The following FGFRL1 variants were observed in gnomAD, a reference collection of about 807,000 sequenced individuals.
FGFRL1 encodes the protein fibroblast growth factor receptor like 1, also known as fibroblast growth factor receptor-like 1.
FGFRL1 carries 24 observed loss-of-function variants against 36.8 expected under a neutral mutation model. That is an observed-to-expected ratio of 0.65 (90% CI 0.47 to 0.92). The LOEUF is 0.92. Ranked by LOEUF, FGFRL1 falls within the 40% of genes least tolerant of loss-of-function variation. The probability of loss-of-function intolerance (pLI) is 0.00; values close to 1 mark genes in which losing one functional copy is unlikely to be tolerated. For synonymous variants in FGFRL1, 422 were observed against 344.1 expected, an observed-to-expected ratio of 1.23 and a Z score of -2.50; for missense variants, 785 against 753.4, an observed-to-expected ratio of 1.04 and a Z score of -0.49.
At chr4:1,013,632 G>A (rs890248800) in intron 2 of FGFRL1, among the ~76,000 whole-genome samples, 1 of 152,270 alleles carries the variant, frequency 6.6e-6, no homozygotes, top group Non-Finnish European at 1.5e-5. Flanking sequence ...TACTGGGCGA[G>A]CCCCTACCAT....
chr4:1,023,680 G>C lies in FGFRL1; in HGVS notation c.392G>C (p.Ser131Thr), dbSNP rs1201333816. The stretch of plus-strand genomic sequence containing the variant: ...GGGAAGGAGAGCCTGGGGCCCGACA[G>C]CTCCTCTGGGGGTCAAGAGGACCCC... Reference protein sequence around the residue: ...SPGKESLGPDSSSGGQEDPAS... With the variant: ...SPGKESLGPDTSSGGQEDPAS... Residue 131 changes from serine (S) to threonine (T), a missense_variant, in exon 4 of 7, where the codon AGC (serine) becomes ACC (threonine). By Grantham distance (58) the Ser-to-Thr change is moderately conservative. Transcript: ENST00000510644. The surrounding 1 kb of genome is among the most constrained non-coding windows in gnomAD (Gnocchi z 6.0). The C allele has an allele frequency of 1.9e-6, 3 of 1,602,992 alleles. No homozygotes were observed. In the East Asian group the frequency reaches 6.7e-5, roughly 36 times the overall value.
chr4:1,011,882 G>A lies in FGFRL1; in HGVS notation c.-89G>A, dbSNP rs1228522870. 4.1e-5 allele frequency: 6 copies of A among 145,212 alleles called. No individual in the cohort carries two copies. Among genetic ancestry groups the A allele is most frequent in the Admixed American group, 1.4e-4 (2 of 14,698 alleles). 9.0% of individuals were successfully genotyped at this position (145,212 alleles called of 1,614,324 possible). On this transcript the variant is annotated 5_prime_UTR_variant, in exon 1 of 7. Coordinates refer to ENST00000510644, the MANE Select transcript of FGFRL1 (RefSeq NM_001004356.3). ...GGCGGCGGGATGCGGCGCCCGGGGC[G>A]GCGATGACCGCGGAGCGCACGCCGC...
Position 1,025,455 on chromosome 4 carries a change from T to A in FGFRL1, c.*108T>A, listed in dbSNP as rs552234059. 3 of 1,348,090 alleles carry A rather than the reference T, an allele frequency of 2.2e-6. No homozygotes were observed. The highest frequency in any genetic ancestry group is 3.0e-6 in the Non-Finnish European group (3 of 991,668). The allele number at this position is 1,348,090 out of a possible 1,614,324, so 83.5% of individuals were successfully genotyped here. ...GCAGGGGACCCATGGCGAGGAGGAA[T>A]GGCCAGCACCCCAGGCAGTCTGTGT... On this transcript the variant is annotated 3_prime_UTR_variant, in exon 7 of 7. Coordinates refer to ENST00000510644, the MANE Select transcript of FGFRL1 (RefSeq NM_001004356.3).
chr4:1,024,409 G>T lies in FGFRL1; in HGVS notation c.817G>T (p.Asp273Tyr). 1 of 1,612,640 alleles carries T rather than the reference G, an allele frequency of 6.2e-7. No individual in the cohort carries two copies. The highest frequency in any genetic ancestry group is 8.5e-7 in the Non-Finnish European group (1 of 1,179,874). ...TTSFQCKVRS[D>Y]VKPVIQWLKR... ...GTCCTTCCAGTGCAAGGTGCGCAGC[G>T]ACGTGAAGCCGGTGATCCAGTGGCT... Residue 273 changes from aspartate to tyrosine, a missense_variant, in exon 6 of 7, where the codon GAC becomes TAC. Transcript: ENST00000510644.
chr4:1,012,457 C>A lies in FGFRL1; in HGVS notation c.-16-13C>A. 1.3e-6 allele frequency: 2 copies of A among 1,575,798 alleles called. No homozygotes were observed. The highest frequency in any genetic ancestry group is 1.1e-5 in the South Asian group (1 of 88,152). Reference sequence around the variant, plus strand: ...GTTCCACGTGTTAGTGACGGCGCCCCCAATGTCCCCAGGTCCGGACAGGCC... The same window carrying A: ...GTTCCACGTGTTAGTGACGGCGCCCACAATGTCCCCAGGTCCGGACAGGCC... On this transcript the variant is annotated splice_polypyrimidine_tract_variant and intron_variant, in intron 1 of 6. Coordinates refer to ENST00000510644, the MANE Select transcript of FGFRL1 (RefSeq NM_001004356.3).
rs1403565291 is a variant in FGFRL1 at position 1,024,097 on chromosome 4, G to T, written c.714G>T (p.Val238=). Residue 238 remains valine (V), a synonymous_variant, in exon 5 of 7, where the codon GTG becomes GTT. Coordinates refer to ENST00000510644, the MANE Select transcript of FGFRL1 (RefSeq NM_001004356.3). ...GAINATYKVD[V]IQRTRSKPVL... ...TCAACGCCACCTACAAGGTGGATGT[G>T]ATCCGTGAGTGTGGCCCCGGGCGCT... The T allele has an allele frequency of 1.9e-6, 3 of 1,574,512 alleles. No individual in the cohort carries two copies. In the African/African-American group the frequency reaches 4.1e-5, roughly 21 times the overall value.
chr4:1,025,114 G>C lies in FGFRL1; in HGVS notation c.1282G>C (p.Gly428Arg), dbSNP rs200822222. 12 of 1,611,324 alleles carry C rather than the reference G, an allele frequency of 7.4e-6. No homozygotes were observed. Among genetic ancestry groups the C allele is most frequent in the Non-Finnish European group, 1.0e-5 (12 of 1,179,346 alleles). Residue 428 changes from glycine to arginine, a missense_variant, in exon 7 of 7, where the codon GGA becomes CGA. Coordinates refer to ENST00000510644, the MANE Select transcript of FGFRL1 (RefSeq NM_001004356.3). ...RPPGTARDRS[G>R]DKDLPSLAAL... ...GCCGGGGACGGCCCGCGACCGCAGC[G>C]GAGACAAGGACCTTCCCTCGTTGGC...
chr4:1,012,258 G>A (rs919633569), intron 1 of FGFRL1: 2 of 505,828 alleles, frequency 4.0e-6, no homozygotes, highest in Non-Finnish European at 6.9e-6. Flanking sequence ...TTTGGAGAGG[G>A]GGGGCGGCGG....
intron 2 of FGFRL1, among the ~76,000 whole-genome samples, chr4:1,018,593 G>A (rs957640418): frequency 6.6e-6 from 1 of 152,188 alleles, no homozygotes; most frequent in Non-Finnish European, 1.5e-5. Flanking sequence ...GTCTTGGCAG[G>A]GTGCACGGCC....
At position 1,012,517 on chromosome 4, in the gene FGFRL1, T is replaced by TGCC. The variant is rs1715649222; in HGVS notation, c.38_40dup (p.Pro13dup). 3.2e-6 allele frequency: 5 copies of TGCC among 1,550,118 alleles called. No individual in the cohort carries two copies. Among genetic ancestry groups the TGCC allele is most frequent in the African/African-American group, 1.4e-5 (1 of 70,604 alleles). On this transcript the variant is annotated inframe_insertion, in exon 2 of 7. Coordinates refer to ENST00000510644, the MANE Select transcript of FGFRL1 (RefSeq NM_001004356.3). Reference sequence around the variant, plus strand: ...CCGAGCCCCCTGTTGCTGCTCCTGCTGCCGCCGCTGCTGCTGGGGGCCTTC... The same window carrying TGCC: ...CCGAGCCCCCTGTTGCTGCTCCTGCTGCCGCCGCCGCTGCTGCTGGGGGCCTTC...
Position 1,023,895 on chromosome 4 carries a change from A to G in FGFRL1, c.512A>G (p.Lys171Arg), listed in dbSNP as rs1046879369. The G allele has an allele frequency of 5.1e-6, 8 of 1,580,454 alleles. No homozygotes were observed. Among genetic ancestry groups the G allele is most frequent in the Non-Finnish European group, 6.0e-6 (7 of 1,167,906 alleles). The change falls in exon 5 of 7, where the codon AAG becomes AGG. Residue 171 changes from lysine to arginine, a missense_variant. Lys to Arg is a conservative substitution (Grantham distance 26). Coordinates refer to ENST00000510644, the MANE Select transcript of FGFRL1 (RefSeq NM_001004356.3). The surrounding 1 kb of genome is among the most constrained non-coding windows in gnomAD (Gnocchi z 6.0). Reference protein sequence around the residue: ...ARPVGSSVRLKCVASGHPRPD... With the variant: ...ARPVGSSVRLRCVASGHPRPD... ...CCCGTGGGTAGCTCCGTGCGGCTCA[A>G]GTGCGTGGCCAGCGGGCACCCTCGG... is the stretch of plus-strand genomic sequence containing the variant.
chr4:1,014,234 C>A (rs1715764618), intron 2 of FGFRL1, among the ~76,000 whole-genome samples: 1 of 152,082 alleles, frequency 6.6e-6, no homozygotes. Flanking sequence ...TCCTCTTTTC[C>A]CAAACTTTCA....
chr4:1,018,033 C>T (rs764431314), intron 2 of FGFRL1, among the ~76,000 whole-genome samples: 20 of 152,152 alleles, frequency 1.3e-4, no homozygotes, highest in Non-Finnish European at 2.2e-4. Flanking sequence ...TTGGAGCCCC[C>T]GAGGAGCTAC....
At chr4:1,024,752 C>T (rs1716411268) in intron 6 of FGFRL1, 88 bp downstream of exon 6, 1 of 1,439,074 alleles carries the variant, frequency 6.9e-7, no homozygotes, top group South Asian at 1.3e-5. Context: ...TGGGGCCCCA[C>T]CCTTCCCTCC....
chr4:1,025,271 C>T lies in FGFRL1; in HGVS notation c.1439C>T (p.Thr480Ile), dbSNP rs1285794151. 20 of 1,568,874 alleles carry T rather than the reference C, an allele frequency of 1.3e-5. No individual in the cohort carries two copies. The highest frequency in any genetic ancestry group is 2.7e-5 in the African/African-American group (2 of 73,940). Residue 480 changes from threonine (T) to isoleucine (I), a missense_variant, in exon 7 of 7, where the codon ACA becomes ATA. Thr to Ile is a moderately conservative substitution (Grantham distance 89, BLOSUM62 -1). Transcript: ENST00000510644. ...CCCAAACTCTACACAGACATCCACA[C>T]ACACACACACACACACTCTCACACA... ...LYPKLYTDIHTHTHTHSHTHS... is the reference protein window; with the variant it reads ...LYPKLYTDIHIHTHTHSHTHS...
intron 2 of FGFRL1, among the ~76,000 whole-genome samples, chr4:1,016,362 G>A (rs575307179): frequency 6.6e-6 from 1 of 152,132 alleles, no homozygotes; most frequent in South Asian, 2.1e-4. Context: ...GGGGGTGGGG[G>A]CCACGTGAAG....
In FGFRL1 at chr4:1,025,049, G is replaced by T; in HGVS notation, c.1217G>T (p.Cys406Phe). ...LWLCQAQKKP[C>F]TPAPAPPLPG... ...CTTTGCCAGGCCCAGAAGAAGCCGT[G>T]CACCCCCGCGCCTGCCCCTCCCCTG... Residue 406 changes from cysteine (C) to phenylalanine (F), a missense_variant, in exon 7 of 7, where the codon TGC becomes TTC. Cys to Phe is a radical substitution (Grantham distance 205, BLOSUM62 -2). Coordinates refer to ENST00000510644, the MANE Select transcript of FGFRL1 (RefSeq NM_001004356.3). 1 of 1,609,828 alleles carries T rather than the reference G, an allele frequency of 6.2e-7. No homozygotes were observed. The highest frequency in any genetic ancestry group is 8.5e-7 in the Non-Finnish European group (1 of 1,178,802).
intron 2 of FGFRL1, among the ~76,000 whole-genome samples, chr4:1,015,104 C>A (rs1715819959): frequency 6.6e-6 from 1 of 152,186 alleles, no homozygotes; most frequent in African/African-American, 2.4e-5. Flanking sequence ...TGCGGCCGTG[C>A]TGGGAGAGGC....
At chr4:1,012,637 C>G (rs1281496411) in intron 2 of FGFRL1, 73 bp downstream of exon 2, 2 of 626,062 alleles carry the variant, frequency 3.2e-6, no homozygotes, top group Non-Finnish European at 4.9e-6. Context: ...GCCCTGAACC[C>G]TGCCACAGTG....
Sources: allele counts gnomAD v4.1 joint callset (sites outside exome capture counted in the v4.1 genomes callset), GRCh38; gene constraint gnomAD v4.1.1; non-coding constraint Gnocchi (gnomAD v3.1); transcripts MANE v1.5; gene names NCBI Gene and HGNC (gene_info 2026-07-23, HGNC 2026-07-21).